Variants in THSD4 observed in about 807,000 individuals in gnomAD.
The protein encoded by THSD4 is thrombospondin type-1 domain-containing protein 4.
THSD4 carries 69 observed loss-of-function variants against 119.0 expected under a neutral mutation model. That is an observed-to-expected ratio of 0.58 (90% CI 0.48 to 0.71). THSD4 has a LOEUF of 0.71. THSD4 is among the 30% of genes least tolerant of loss of function. THSD4 has a pLI of 0.00. For synonymous variants in THSD4, 524 were observed against 540.4 expected, an observed-to-expected ratio of 0.97 and a Z score of 0.42; for missense variants, 1,393 against 1,391.1, an observed-to-expected ratio of 1.00 and a Z score of -0.02.
intron 7 of THSD4, among the ~76,000 whole-genome samples, chr15:71,427,859 T>C (rs957736212): frequency 2.0e-4 from 31 of 152,148 alleles, no homozygotes; most frequent in African/African-American, 6.5e-4. Flanking sequence ...TCAATCAGGA[T>C]GTCCAACATT....
chr15:71,273,583 G>A (rs958560857), intron 6 of THSD4, among the ~76,000 whole-genome samples: 6 of 152,054 alleles, frequency 3.9e-5, no homozygotes, highest in African/African-American at 7.2e-5. Flanking sequence ...TGAGGGATAC[G>A]TTAATTAACC....
intron 1 of THSD4, among the ~76,000 whole-genome samples, chr15:71,136,307 C>G (rs1040581660): frequency 5.9e-5 from 9 of 152,050 alleles, no homozygotes; most frequent in Non-Finnish European, 1.2e-4. Context: ...GAATGTCAGA[C>G]TGGGGACGGT....
chr15:71,616,663 G>A (rs936742181), intron 7 of THSD4, among the ~76,000 whole-genome samples: 2 of 152,214 alleles, frequency 1.3e-5, no homozygotes, highest in African/African-American at 4.8e-5. Context: ...CTGTGAGGAA[G>A]CATTTCCTAG....
At chr15:71,390,707 G>C (rs2046364725) in intron 6 of THSD4, among the ~76,000 whole-genome samples, 1 of 152,096 alleles carries the variant, frequency 6.6e-6, no homozygotes, top group Non-Finnish European at 1.5e-5. Context: ...CTACAGAGTA[G>C]AGTTGGAAGG....
intron 7 of THSD4, among the ~76,000 whole-genome samples, chr15:71,455,533 C>G (rs1388632187): frequency 6.6e-6 from 1 of 152,130 alleles, no homozygotes; most frequent in African/African-American, 2.4e-5. Flanking sequence ...GGCAGCTTGT[C>G]TCTTGAGGTG....
rs1353689860 is a variant in THSD4 at position 71,782,612 on chromosome 15, C to A, written c.*5238C>A. The A allele has an allele frequency of 6.6e-6, 1 of 152,182 alleles. No homozygotes were observed. Among genetic ancestry groups the A allele is most frequent in the Non-Finnish European group, 1.5e-5 (1 of 68,038 alleles). The allele number at this position is 152,182 out of a possible 1,614,324, so 9.4% of individuals were successfully genotyped here. A position where few individuals can be genotyped will look rare whatever the true frequency, so the allele number is the denominator to read the frequency against. On this transcript the variant is annotated 3_prime_UTR_variant, in exon 18 of 18. Transcript: ENST00000261862. ...GTGTGAAAGCATGTGATCATACTAA[C>A]CCAGCCTCCTGGAATGTCGCTGTAC...
chr15:71,551,763 G>A (rs932882303), intron 7 of THSD4, among the ~76,000 whole-genome samples: 8 of 152,150 alleles, frequency 5.3e-5, no homozygotes, highest in African/African-American at 1.9e-4. Flanking sequence ...CTAGAGCCCA[G>A]CATCTTTACT....
rs8023304 is a variant in THSD4, at chr15:71,159,057, C to T, written c.99+4125C>T. ...TTCTCAGTTGGATATCTAGTTTTCCCAGCATTATTTATTGAAGAGATTGTC... is the reference window on the plus strand; with the variant it reads ...TTCTCAGTTGGATATCTAGTTTTCCTAGCATTATTTATTGAAGAGATTGTC... On this transcript the variant is annotated intron_variant, in intron 3 of 17. Transcript: ENST00000261862. 7.3e-3 allele frequency among the ~76,000 whole-genome samples: 1,109 copies of T among 152,164 alleles called. 12 individuals are homozygous for T. Among genetic ancestry groups the T allele is most frequent in the African/African-American group, 0.026 (1,062 of 41,530 alleles).
chr15:71,310,296 T>C lies in THSD4; in HGVS notation c.1015+53581T>C, dbSNP rs2045093844. 2.6e-5 allele frequency among the ~76,000 whole-genome samples: 4 copies of C among 152,288 alleles called. No homozygotes were observed. In the South Asian group the frequency reaches 8.3e-4, roughly 32 times the overall value. ...AAGTTGAAAGGATGCCTGGAACATA[T>C]GTAAATGTCTCTGTGGGGGCCAAGG... is the stretch of plus-strand genomic sequence containing the variant. On this transcript the variant is annotated intron_variant, in intron 6 of 17. Transcript: ENST00000261862.
chr15:71,574,343 A>C (rs1389012571), intron 7 of THSD4, among the ~76,000 whole-genome samples: 1 of 152,356 alleles, frequency 6.6e-6, no homozygotes, highest in East Asian at 1.9e-4. Context: ...GCTGACAAGC[A>C]AAATGAGGCT....
At chr15:71,637,133 C>T (rs1042297658) in intron 7 of THSD4, among the ~76,000 whole-genome samples, 5 of 152,120 alleles carry the variant, frequency 3.3e-5, no homozygotes, top group African/African-American at 4.8e-5. Flanking sequence ...GTGATCCACC[C>T]GCCTCAGTCT....
chr15:71,394,550 C>T (rs1176420724), intron 6 of THSD4, among the ~76,000 whole-genome samples: 1 of 152,146 alleles, frequency 6.6e-6, no homozygotes, highest in Non-Finnish European at 1.5e-5. Flanking sequence ...GGATTACAGG[C>T]GTGAGCCACA....
chr15:71,467,066 C>G (rs527341970), intron 7 of THSD4, among the ~76,000 whole-genome samples: 2 of 152,216 alleles, frequency 1.3e-5, no homozygotes, highest in African/African-American at 4.8e-5. Context: ...AACCATTTCC[C>G]GTGGCTTCCA....
chr15:71,700,794 A>G, intron 8 of THSD4, among the ~76,000 whole-genome samples: 1 of 152,138 alleles, frequency 6.6e-6, no homozygotes, highest in East Asian at 1.9e-4. Flanking sequence ...TAAATAATTG[A>G]GGAAACAACT....
chr15:71,205,038 G>A (rs2043832143), intron 3 of THSD4, among the ~76,000 whole-genome samples: 1 of 152,284 alleles, frequency 6.6e-6, no homozygotes, highest in Non-Finnish European at 1.5e-5. Flanking sequence ...TCTCAAACCA[G>A]AGGATGCATT....
At chr15:71,467,459 G>C (rs1325149028) in intron 7 of THSD4, among the ~76,000 whole-genome samples, 1 of 152,210 alleles carries the variant, frequency 6.6e-6, no homozygotes, top group Non-Finnish European at 1.5e-5. Context: ...TAGAGCAAAA[G>C]AGTGCAATCT....
chr15:71,157,404 CAG>C (rs2040789222), intron 3 of THSD4, among the ~76,000 whole-genome samples: 1 of 152,064 alleles, frequency 6.6e-6, no homozygotes, highest in African/African-American at 2.4e-5. Flanking sequence ...ATGATCAAAT[CAG>C]GGTATTTAGC....
chr15:71,216,909 G>A (rs904099476), intron 4 of THSD4, among the ~76,000 whole-genome samples: 3 of 152,156 alleles, frequency 2.0e-5, no homozygotes, highest in African/African-American at 7.2e-5. Flanking sequence ...CTATTCTCAT[G>A]CCTCAGCCTC....
intron 7 of THSD4, among the ~76,000 whole-genome samples, chr15:71,548,695 G>A (rs1419264133): frequency 3.3e-5 from 5 of 152,324 alleles, no homozygotes; most frequent in Middle Eastern, 6.8e-3. Flanking sequence ...AGTGATGCTG[G>A]AAGCTGAAAG....
Sources: gnomAD v4.1 joint callset for allele counts (sites outside exome capture counted in the v4.1 genomes callset) on GRCh38, gnomAD v4.1.1 for gene constraint, MANE v1.5 for transcripts, NCBI Gene and HGNC (gene_info 2026-07-23, HGNC 2026-07-21) for gene names.